Variants in ATP8A2 observed in about 807,000 individuals in gnomAD.
ATP8A2 encodes the protein ATPase phospholipid transporting 8A2, also known as phospholipid-transporting ATPase IB.
Under a neutral mutation model 165.6 loss-of-function variants are expected in ATP8A2, and 100 were observed. The ratio of observed to expected loss-of-function variants is 0.60; its 90% CI spans 0.51 to 0.71. The LOEUF (loss-of-function observed/expected upper bound fraction) is 0.71, where lower values mean the gene tolerates loss of function less well. Among genes scored for constraint, ATP8A2 ranks in the 30% least tolerant of loss-of-function variants. The pLI is 0.00. For synonymous variants in ATP8A2, 543 were observed against 548.8 expected (o/e 0.99, Z 0.15); for missense variants, 1,227 against 1,479.5 (o/e 0.83, Z 2.80).
chr13:25,484,385 C>T (rs1483771133), intron 2 of ATP8A2, among the ~76,000 whole-genome samples: 2 of 152,048 alleles, frequency 1.3e-5, no homozygotes, highest in Non-Finnish European at 2.9e-5. Flanking sequence ...TTGGGACCAT[C>T]AACTTTTTGG....
chr13:25,905,799 C>T (rs1490397825), intron 33 of ATP8A2, among the ~76,000 whole-genome samples: 2 of 152,218 alleles, frequency 1.3e-5, no homozygotes, highest in Admixed American at 1.3e-4. Flanking sequence ...CCCTTCCTGC[C>T]TCTAGAGTGG....
intron 33 of ATP8A2, chr13:25,927,016 T>C (rs1423600392): frequency 7.3e-6 from 3 of 409,586 alleles, no homozygotes; most frequent in Non-Finnish European, 1.5e-5. Flanking sequence ...TGCCTCCCGC[T>C]CCTTCTCCTT....
At chr13:25,930,652 T>C (rs1328437141) in intron 33 of ATP8A2, among the ~76,000 whole-genome samples, 9 of 152,236 alleles carry the variant, frequency 5.9e-5, no homozygotes, top group Admixed American at 5.9e-4. Flanking sequence ...CATCTTCAGA[T>C]GAGGAACCTT....
intron 24 of ATP8A2, among the ~76,000 whole-genome samples, chr13:25,656,575 A>G (rs2041932532): frequency 6.6e-6 from 1 of 151,854 alleles, no homozygotes; most frequent in Admixed American, 6.6e-5. Flanking sequence ...ACCCAGCCAA[A>G]GTTTGATTTT....
At position 26,020,195 on chromosome 13, in the gene ATP8A2, G is replaced by A. The variant is rs576905661; in HGVS notation, c.*210G>A. The A allele has an allele frequency of 1.7e-4, 98 of 582,004 alleles. No individual in the cohort carries two copies. Among genetic ancestry groups the A allele is most frequent in the African/African-American group, 1.4e-3 (74 of 53,606 alleles). 36.1% of individuals were successfully genotyped at this position (582,004 alleles called of 1,614,324 possible). On this transcript the variant is annotated 3_prime_UTR_variant, in exon 37 of 37. Coordinates refer to ENST00000381655, the MANE Select transcript of ATP8A2 (RefSeq NM_016529.6). The stretch of plus-strand genomic sequence containing the variant: ...GAAGCTATCTTTGCCCTCCCAACTC[G>A]TCTGCAGTGCTTAGCCTAACTTTTG...
At chr13:25,566,053 T>C (rs1003925910) in intron 16 of ATP8A2, among the ~76,000 whole-genome samples, 2 of 152,166 alleles carry the variant, frequency 1.3e-5, no homozygotes, top group African/African-American at 4.8e-5. Context: ...GAGACAGATA[T>C]ATTTAAAACT....
intron 24 of ATP8A2, among the ~76,000 whole-genome samples, chr13:25,681,937 C>T (rs1231864220): frequency 1.3e-5 from 2 of 152,148 alleles, no homozygotes; most frequent in African/African-American, 2.4e-5. Flanking sequence ...CTGTAACTGA[C>T]AAGAGTGATG....
intron 2 of ATP8A2, among the ~76,000 whole-genome samples, chr13:25,489,351 G>C (rs2036450296): frequency 6.6e-6 from 1 of 152,094 alleles, no homozygotes; most frequent in Non-Finnish European, 1.5e-5. Context: ...CGTCCTCCTG[G>C]AGGGCCCTGT....
chr13:25,408,756 G>A (rs1351388398), intron 1 of ATP8A2, among the ~76,000 whole-genome samples: 2 of 152,002 alleles, frequency 1.3e-5, no homozygotes, highest in Non-Finnish European at 2.9e-5. Context: ...CTTATGCTTT[G>A]GGACCACTTT....
At chr13:25,381,782 C>G (rs2032846551) in intron 1 of ATP8A2, among the ~76,000 whole-genome samples, 1 of 152,024 alleles carries the variant, frequency 6.6e-6, no homozygotes, top group Non-Finnish European at 1.5e-5. Context: ...CTGAAGAGCC[C>G]CAGGGTAGGA....
At chr13:25,390,864 G>A (rs1247521977) in intron 1 of ATP8A2, among the ~76,000 whole-genome samples, 1 of 151,518 alleles carries the variant, frequency 6.6e-6, no homozygotes, top group Non-Finnish European at 1.5e-5. Flanking sequence ...GGCAGAGGTT[G>A]CAGTGAGCCG....
chr13:25,507,566 G>A (rs573404145), intron 2 of ATP8A2, among the ~76,000 whole-genome samples: 16 of 152,238 alleles, frequency 1.1e-4, no homozygotes, highest in East Asian at 9.7e-4. Flanking sequence ...GTGCCTGGCT[G>A]TGCTGGTACC....
At chr13:25,900,764 T>G (rs907025807) in intron 33 of ATP8A2, among the ~76,000 whole-genome samples, 1 of 152,148 alleles carries the variant, frequency 6.6e-6, no homozygotes, top group Non-Finnish European at 1.5e-5. Flanking sequence ...GAGAGAGAAG[T>G]GTCCAAGGCA....
chr13:25,646,010 A>G (rs2041661049), intron 24 of ATP8A2, among the ~76,000 whole-genome samples: 1 of 152,170 alleles, frequency 6.6e-6, no homozygotes, highest in Non-Finnish European at 1.5e-5. Context: ...AAAGTGGAGT[A>G]TTGAAGTCCC....
At chr13:25,446,312 C>T (rs962718684) in intron 1 of ATP8A2, among the ~76,000 whole-genome samples, 9 of 152,194 alleles carry the variant, frequency 5.9e-5, no homozygotes, top group African/African-American at 2.2e-4. Context: ...ATGTTTACCA[C>T]TTATCTTTCA....
chr13:25,629,336 A>G (rs1593685032), intron 24 of ATP8A2, among the ~76,000 whole-genome samples: 1 of 152,308 alleles, frequency 6.6e-6, no homozygotes, highest in East Asian at 1.9e-4. Flanking sequence ...AAATATTTTT[A>G]AAATTAAGAC....
intron 5 of ATP8A2, 111 bp from the exon 6 acceptor site, chr13:25,533,162 A>G (rs1431959845): frequency 3.0e-6 from 2 of 673,482 alleles, no homozygotes; most frequent in Admixed American, 5.0e-5. Flanking sequence ...GGCTAAAGAT[A>G]GGGTATGTTA....
intron 33 of ATP8A2, among the ~76,000 whole-genome samples, chr13:25,921,621 CAAA>C (rs11316144): frequency 1.8e-4 from 21 of 117,650 alleles, no homozygotes; most frequent in Admixed American, 5.2e-4. Context: ...GACTCTGTCT[CAAA>C]AAAAAAAAAA....
At chr13:25,920,200 A>C (rs1954406866) in intron 33 of ATP8A2, among the ~76,000 whole-genome samples, 1 of 152,084 alleles carries the variant, frequency 6.6e-6, no homozygotes, top group African/African-American at 2.4e-5. Context: ...TGTAACTTAC[A>C]GGTTTGGGTT....
Sources: allele counts gnomAD v4.1 joint callset (sites outside exome capture counted in the v4.1 genomes callset), GRCh38; gene constraint gnomAD v4.1.1; transcripts MANE v1.5; gene names NCBI Gene and HGNC (gene_info 2026-07-23, HGNC 2026-07-21).